Variants in SYN2 observed in about 807,000 individuals in gnomAD.
The protein encoded by SYN2 is synapsin II, also known as synapsin-2.
Under a neutral mutation model 50.9 loss-of-function variants are expected in SYN2, and 19 were observed. The observed-to-expected ratio is 0.37, with a 90% CI of 0.26 to 0.55. The LOEUF (loss-of-function observed/expected upper bound fraction) is 0.55. Among genes scored for constraint, SYN2 ranks in the 20% least tolerant of loss-of-function variants. The pLI is 0.81. For missense variants in SYN2, 587 were observed against 576.4 expected (o/e 1.02, Z -0.19); for synonymous variants, 255 against 224.9 (o/e 1.13, Z -1.20).
intron 12 of SYN2, among the ~76,000 whole-genome samples, chr3:12,188,035 A>AT (rs35152328): frequency 1 from 152,067 of 152,204 alleles, 75,965 homozygotes; most frequent in Middle Eastern, 1. Context: ...GTAAAAAAAA[A>AT]TTTTTAATCT....
chr3:12,112,693 C>G (rs1328350305), intron 1 of SYN2, among the ~76,000 whole-genome samples: 1 of 152,056 alleles, frequency 6.6e-6, no homozygotes, highest in Non-Finnish European at 1.5e-5. Flanking sequence ...AGTATTCAAC[C>G]AAGGTCATAG....
intron 1 of SYN2, among the ~76,000 whole-genome samples, chr3:12,016,040 A>G (rs1210472197): frequency 2.0e-5 from 3 of 152,160 alleles, no homozygotes; most frequent in Non-Finnish European, 4.4e-5. Flanking sequence ...CATGGACTGA[A>G]TCTTTGAAGG....
Position 12,097,474 on chromosome 3 carries a change from C to T in SYN2, c.378-43177C>T, listed in dbSNP as rs537296864. ...ACAAAAAATTGGCCGGGTGTGGTGG[C>T]GCACGCCTGTAGTCCTAGCTACTCG... is the stretch of plus-strand genomic sequence containing the variant. On this transcript the variant is annotated intron_variant, in intron 1 of 12. Transcript: ENST00000621198. Among the ~76,000 whole-genome samples the T allele has an allele frequency of 8.5e-5, 13 of 152,096 alleles. 1 individual carries two copies. The highest frequency in any genetic ancestry group is 1.9e-4 in the African/African-American group (8 of 41,508).
chr3:12,145,013 G>T (rs983965203), intron 3 of SYN2, among the ~76,000 whole-genome samples: 2 of 151,420 alleles, frequency 1.3e-5, no homozygotes, highest in African/African-American at 4.9e-5. Flanking sequence ...CCTGGGCAAC[G>T]GAGCAAGACT....
intron 1 of SYN2, among the ~76,000 whole-genome samples, chr3:12,066,514 G>A (rs950901399): frequency 1.2e-4 from 18 of 152,078 alleles, no homozygotes; most frequent in African/African-American, 3.4e-4. Flanking sequence ...AACTCTTGGC[G>A]GCATTGGTAG....
At chr3:12,033,196 G>T (rs1181452084) in intron 1 of SYN2, among the ~76,000 whole-genome samples, 2 of 151,940 alleles carry the variant, frequency 1.3e-5, no homozygotes, top group Admixed American at 1.3e-4. Flanking sequence ...GCTGCTCGGG[G>T]GTCAGGGGTC....
rs780613018 is a variant in SYN2, at chr3:12,183,314, C to T, written c.1311C>T (p.Ser437=). 17 of 1,607,560 alleles carry T rather than the reference C, an allele frequency of 1.1e-5. No individual in the cohort carries two copies. Among genetic ancestry groups the T allele is most frequent in the South Asian group, 2.2e-5 (2 of 89,650 alleles). Residue 437 remains serine (S), a splice_region_variant and synonymous_variant, in exon 11 of 13, where the codon AGC becomes AGT. Transcript: ENST00000621198. The part of the protein sequence containing the change: ...QRPLTTQQPQ[S]GTLKDPDSSK... ...TCTCTTACATTTTTGTCTTCCAGAG[C>T]GGAACACTTAAGGATCCGGACTCAA... is the stretch of plus-strand genomic sequence containing the variant.
chr3:12,023,123 A>G (rs1416915371), intron 1 of SYN2, among the ~76,000 whole-genome samples: 1 of 152,130 alleles, frequency 6.6e-6, no homozygotes, highest in Non-Finnish European at 1.5e-5. Flanking sequence ...TGTGGATGAG[A>G]ATGCCTATTT....
chr3:12,055,924 T>G (rs1438689739), intron 1 of SYN2, among the ~76,000 whole-genome samples: 5 of 152,314 alleles, frequency 3.3e-5, no homozygotes, highest in African/African-American at 1.2e-4. Flanking sequence ...GAGCTCCTGA[T>G]AAAAGGAATC....
chr3:12,086,301 A>G lies in SYN2; in HGVS notation c.378-54350A>G, dbSNP rs116638240. ...ATTCTACCAGATATTTAAAGAACTAATACCAATCCTTCTCAAACTCTTCCA... is the reference window on the plus strand; with the variant it reads ...ATTCTACCAGATATTTAAAGAACTAGTACCAATCCTTCTCAAACTCTTCCA... On this transcript the variant is annotated intron_variant, in intron 1 of 12. Transcript: ENST00000621198. 6.9e-3 allele frequency among the ~76,000 whole-genome samples: 1,056 copies of G among 152,302 alleles called. 12 individuals carry two copies. The highest frequency in any genetic ancestry group is 0.024 in the African/African-American group (985 of 41,568).
At chr3:12,108,524 G>A (rs929641691) in intron 1 of SYN2, among the ~76,000 whole-genome samples, 16 of 152,142 alleles carry the variant, frequency 1.1e-4, no homozygotes, top group Admixed American at 2.0e-4. Context: ...GTGGGAAGAG[G>A]GCTTTGACTT....
At chr3:12,134,251 A>G (rs1472468732) in intron 1 of SYN2, among the ~76,000 whole-genome samples, 1 of 152,204 alleles carries the variant, frequency 6.6e-6, no homozygotes, top group Non-Finnish European at 1.5e-5. Context: ...AATAGATGAA[A>G]AAGATTGGTA....
chr3:12,148,741 T>A (rs1286400637), intron 4 of SYN2: 7 of 152,178 alleles, frequency 4.6e-5, no homozygotes, highest in Non-Finnish European at 8.8e-5. Flanking sequence ...TTAAATTAAA[T>A]CATTTAATTT....
intron 10 of SYN2, among the ~76,000 whole-genome samples, chr3:12,174,851 C>T (rs558692703): frequency 6.6e-6 from 1 of 152,344 alleles, no homozygotes; most frequent in African/African-American, 2.4e-5. Flanking sequence ...CACCTACTCA[C>T]TGGCTACCAC....
Position 12,004,582 on chromosome 3 carries a change from G to C in SYN2, c.31G>C (p.Asp11His). ...GAACTTCCTGCGGCGCCGGCTGTCG[G>C]ACAGCAGCTTCATCGCCAACCTGCC... MMNFLRRRLS[D>H]SSFIANLPNG... Residue 11 changes from aspartate to histidine, a missense_variant, in exon 1 of 13, where the codon GAC (aspartate) becomes CAC (histidine). Physicochemically the swap from Asp to His is moderately conservative, Grantham distance 81 (BLOSUM62 -1). Coordinates refer to ENST00000621198, the MANE Select transcript of SYN2 (RefSeq NM_133625.6). The C allele has an allele frequency of 1.5e-6, 1 of 671,654 alleles. No individual in the cohort carries two copies. The allele number at this position is 671,654 out of a possible 1,614,324, so 41.6% of individuals were successfully genotyped here. A position where few individuals can be genotyped will look rare whatever the true frequency, so the allele number is the denominator to read the frequency against.
intron 1 of SYN2, among the ~76,000 whole-genome samples, chr3:12,081,349 G>A (rs113440903): frequency 2.6e-5 from 4 of 152,212 alleles, no homozygotes; most frequent in Non-Finnish European, 5.9e-5. Context: ...TATTGTTCCA[G>A]ATATTTTGTA....
chr3:12,116,009 G>A (rs928376232), intron 1 of SYN2, among the ~76,000 whole-genome samples: 1 of 152,162 alleles, frequency 6.6e-6, no homozygotes, highest in South Asian at 2.1e-4. Flanking sequence ...AGTCAAGACT[G>A]TCAGAGCCCT....
chr3:12,183,193 C>G, intron 10 of SYN2, 119 bp from the exon 11 acceptor site: 2 of 1,378,820 alleles, frequency 1.5e-6, no homozygotes, highest in Non-Finnish European at 1.9e-6. Flanking sequence ...CCAGATCCCA[C>G]TGGATCCCAC....
At chr3:12,048,079 T>C (rs1694779757) in intron 1 of SYN2, among the ~76,000 whole-genome samples, 1 of 152,238 alleles carries the variant, frequency 6.6e-6, no homozygotes, top group East Asian at 1.9e-4. Flanking sequence ...GCATTTTCTG[T>C]AACCCTAAGT....
Sources: gnomAD v4.1 joint callset for allele counts (sites outside exome capture counted in the v4.1 genomes callset) on GRCh38, gnomAD v4.1.1 for gene constraint, MANE v1.5 for transcripts, NCBI Gene and HGNC (gene_info 2026-07-23, HGNC 2026-07-21) for gene names.